The following ATRNL1 variants were observed in gnomAD, a reference collection of about 807,000 sequenced individuals.
ATRNL1 encodes the protein attractin like 1.
Under a neutral mutation model 182.7 loss-of-function variants are expected in ATRNL1, and 95 were observed. The ratio of observed to expected loss-of-function variants is 0.52; its 90% CI spans 0.44 to 0.62. The LOEUF is 0.62. ATRNL1 is among the 20% of genes least tolerant of loss of function. The pLI is 0.00. For synonymous variants in ATRNL1, 576 were observed against 568.3 expected, an observed-to-expected ratio of 1.01 and a Z score of -0.19; for missense variants, 1,471 against 1,679.5, an observed-to-expected ratio of 0.88 and a Z score of 2.17.
chr10:115,804,658 C>T (rs548922552), intron 27 of ATRNL1, among the ~76,000 whole-genome samples: 5 of 152,212 alleles, frequency 3.3e-5, no homozygotes, highest in South Asian at 2.1e-4. Flanking sequence ...CCTGAACTGA[C>T]GGAGACACAT....
intron 14 of ATRNL1, among the ~76,000 whole-genome samples, chr10:115,285,935 GCCAATATA>G (rs1852590321): frequency 6.6e-6 from 1 of 151,924 alleles, no homozygotes; most frequent in Non-Finnish European, 1.5e-5. Context: ...AATACCATAT[GCCAATATA>G]CCAGATGTTA....
At chr10:115,717,994 C>G (rs973018883) in intron 26 of ATRNL1, among the ~76,000 whole-genome samples, 2 of 152,130 alleles carry the variant, frequency 1.3e-5, no homozygotes, top group African/African-American at 4.8e-5. Context: ...GGCTGAAGCA[C>G]TGAAAAGTCC....
intron 26 of ATRNL1, among the ~76,000 whole-genome samples, chr10:115,680,069 A>G (rs1294618538): frequency 1.3e-5 from 2 of 152,010 alleles, no homozygotes; most frequent in African/African-American, 2.4e-5. Flanking sequence ...TCCAGTATCA[A>G]TTTTCTCATA....
intron 19 of ATRNL1, among the ~76,000 whole-genome samples, chr10:115,391,157 CCTTT>C (rs1435960804): frequency 6.6e-5 from 10 of 152,076 alleles, no homozygotes; most frequent in Admixed American, 2.0e-4. Context: ...ATTTCTTCTT[CCTTT>C]CTGTCTGTTT....
chr10:115,221,068 G>A (rs1849445054), intron 9 of ATRNL1, among the ~76,000 whole-genome samples: 1 of 152,170 alleles, frequency 6.6e-6, no homozygotes, highest in African/African-American at 2.4e-5. Context: ...ATGCAACCTA[G>A]ATCCCTAACA....
intron 18 of ATRNL1, among the ~76,000 whole-genome samples, chr10:115,333,415 C>T (rs1488572570): frequency 6.6e-6 from 1 of 151,708 alleles, no homozygotes. Flanking sequence ...CTTAAATAGA[C>T]TTTCAGTTAA....
rs74704277 is a variant in ATRNL1, at chr10:115,331,719, G to A, written c.3038-2563G>A. Among the ~76,000 whole-genome samples, 1,203 of 151,798 alleles carry A rather than the reference G, an allele frequency of 7.9e-3. 19 individuals carry two copies. The highest frequency in any genetic ancestry group is 0.028 in the African/African-American group (1,155 of 41,394). On this transcript the variant is annotated intron_variant, in intron 18 of 28. Transcript: ENST00000355044. ...GATTTGTTTGTGACTGCTCTGTTTC[G>A]GTGGGCTTGTTGACATATTCTGAGC...
At chr10:115,628,175 G>T (rs1176720030) in intron 26 of ATRNL1, among the ~76,000 whole-genome samples, 1 of 150,770 alleles carries the variant, frequency 6.6e-6, no homozygotes, top group Non-Finnish European at 1.5e-5. Flanking sequence ...GAAAAAAAAA[G>T]AAATGAACCA....
intron 26 of ATRNL1, among the ~76,000 whole-genome samples, chr10:115,623,722 G>A (rs1857920447): frequency 6.6e-6 from 1 of 151,866 alleles, no homozygotes; most frequent in Admixed American, 6.6e-5. Context: ...GAGAGAGACT[G>A]GCTAGATTAT....
chr10:115,411,174 G>A (rs1299638562), intron 20 of ATRNL1, among the ~76,000 whole-genome samples: 1 of 150,542 alleles, frequency 6.6e-6, no homozygotes, highest in Non-Finnish European at 1.5e-5. Flanking sequence ...TATGTATCTT[G>A]ACAAGGTATA....
intron 26 of ATRNL1, among the ~76,000 whole-genome samples, chr10:115,663,682 T>C (rs2133910788): frequency 1.3e-5 from 2 of 152,182 alleles, no homozygotes; most frequent in Middle Eastern, 6.8e-3. Context: ...TAGTCATATG[T>C]CATCAAGTAG....
At chr10:115,747,857 T>C (rs1948338013) in intron 27 of ATRNL1, among the ~76,000 whole-genome samples, 1 of 152,068 alleles carries the variant, frequency 6.6e-6, no homozygotes, top group African/African-American at 2.4e-5. Flanking sequence ...TTCGGGTTCA[T>C]AAATAGTGCC....
chr10:115,447,135 T>A (rs1305118078), intron 21 of ATRNL1, among the ~76,000 whole-genome samples: 1 of 151,842 alleles, frequency 6.6e-6, no homozygotes, highest in Non-Finnish European at 1.5e-5. Context: ...TTTTTTAAGT[T>A]ATGGAAATTT....
chr10:115,682,873 G>A (rs973741407), intron 26 of ATRNL1, among the ~76,000 whole-genome samples: 7 of 152,084 alleles, frequency 4.6e-5, no homozygotes, highest in African/African-American at 1.4e-4. Flanking sequence ...AGCAGTATTA[G>A]GAAAGAGATT....
chr10:115,848,073 C>T (rs1950970801), intron 28 of ATRNL1, 82 bp downstream of exon 28: 5 of 765,978 alleles, frequency 6.5e-6, no homozygotes, highest in Non-Finnish European at 1.1e-5. Context: ...CTAAATAGCG[C>T]AGTAAGGACC....
At chr10:115,569,405 T>C (rs1555002812) in intron 26 of ATRNL1, among the ~76,000 whole-genome samples, 1 of 152,186 alleles carries the variant, frequency 6.6e-6, no homozygotes, top group Non-Finnish European at 1.5e-5. Flanking sequence ...GGAAATTATA[T>C]TTGTAATTTT....
intron 28 of ATRNL1, among the ~76,000 whole-genome samples, chr10:115,919,693 CA>C (rs1342111453): frequency 3.9e-5 from 6 of 152,006 alleles, no homozygotes; most frequent in African/African-American, 7.2e-5. Flanking sequence ...GCTGTTACAA[CA>C]AAAACATCAT....
chr10:115,098,992 AT>A (rs1454420372), intron 1 of ATRNL1, among the ~76,000 whole-genome samples: 18 of 152,236 alleles, frequency 1.2e-4, no homozygotes, highest in African/African-American at 4.3e-4. Flanking sequence ...GTTTTGTCAT[AT>A]GTATTTGCAT....
intron 10 of ATRNL1, among the ~76,000 whole-genome samples, chr10:115,244,843 T>C (rs1421130622): frequency 6.6e-6 from 1 of 152,206 alleles, no homozygotes; most frequent in Non-Finnish European, 1.5e-5. Flanking sequence ...ACTATGTTTT[T>C]TTCTTAATCA....
Sources: gnomAD v4.1 joint callset for allele counts (sites outside exome capture counted in the v4.1 genomes callset) on GRCh38, gnomAD v4.1.1 for gene constraint, MANE v1.5 for transcripts, NCBI Gene and HGNC (gene_info 2026-07-23, HGNC 2026-07-21) for gene names.